The following SBF2 variants were observed in gnomAD, a reference collection of about 807,000 sequenced individuals.
The protein encoded by SBF2 is myotubularin-related protein 13.
In SBF2, 112 loss-of-function variants were observed where a neutral mutation model predicts 225.2. That is an observed-to-expected ratio of 0.50 (90% confidence interval 0.43 to 0.58). SBF2 has a LOEUF of 0.58. SBF2 is among the 20% of genes least tolerant of loss of function. The probability of loss-of-function intolerance (pLI) is 0.00; values close to 1 mark genes in which losing one functional copy is unlikely to be tolerated. For missense variants in SBF2, 1,996 were observed against 2,206.2 expected (o/e 0.90, Z 1.91); for synonymous variants, 763 against 773.3 (o/e 0.99, Z 0.22).
chr11:10,033,075 C>G (rs930519351), intron 3 of SBF2, among the ~76,000 whole-genome samples: 23 of 152,002 alleles, frequency 1.5e-4, no homozygotes, highest in Non-Finnish European at 2.9e-5. Flanking sequence ...TCATTTATTA[C>G]AAAGCAAAAA....
At chr11:9,917,890 C>T (rs542586418) in intron 16 of SBF2, among the ~76,000 whole-genome samples, 3 of 151,528 alleles carry the variant, frequency 2.0e-5, no homozygotes, top group Non-Finnish European at 2.9e-5. Context: ...CCCAGGCCTC[C>T]GACACTCACC....
chr11:10,070,609 T>C (rs1016875804), intron 2 of SBF2, among the ~76,000 whole-genome samples: 27 of 152,360 alleles, frequency 1.8e-4, no homozygotes, highest in African/African-American at 6.0e-4. Context: ...TCCAGCTTTG[T>C]TCATTTTGCT....
chr11:10,292,209 T>C (rs748807798), intron 1 of SBF2, among the ~76,000 whole-genome samples: 1 of 152,182 alleles, frequency 6.6e-6, no homozygotes, highest in Non-Finnish European at 1.5e-5. Context: ...TCACTATCCA[T>C]TTCCTGTTTT....
At chr11:10,241,505 T>A (rs916565636) in intron 1 of SBF2, among the ~76,000 whole-genome samples, 5 of 151,356 alleles carry the variant, frequency 3.3e-5, no homozygotes, top group African/African-American at 1.2e-4. Flanking sequence ...TAGAGAAGAA[T>A]GACAAAGCTA....
At chr11:9,845,903 T>C (rs909511878) in intron 23 of SBF2, among the ~76,000 whole-genome samples, 163 bp from the exon 24 acceptor site, 1 of 152,126 alleles carries the variant, frequency 6.6e-6, no homozygotes, top group African/African-American at 2.4e-5. Flanking sequence ...AAAAAAAGGC[T>C]CAAAAAGGTT....
At chr11:10,184,818 C>T (rs1235101811) in intron 2 of SBF2, among the ~76,000 whole-genome samples, 1 of 152,204 alleles carries the variant, frequency 6.6e-6, no homozygotes, top group African/African-American at 2.4e-5. Context: ...GCTCTGCCTC[C>T]TGGGCTCATG....
chr11:9,812,383 G>T, intron 30 of SBF2, 149 bp downstream of exon 30: 2 of 813,182 alleles, frequency 2.5e-6, no homozygotes, highest in South Asian at 1.6e-5. Context: ...TCCTTAGTCT[G>T]AAAGGCCTTT....
At chr11:9,968,625 AGG>A in intron 13 of SBF2, 80 bp from the exon 14 acceptor site, 1 of 1,120,034 alleles carries the variant, frequency 8.9e-7, no homozygotes, top group Non-Finnish European at 1.4e-6. Flanking sequence ...GGGAGCTTAC[AGG>A]GACACGAGCT....
intron 2 of SBF2, among the ~76,000 whole-genome samples, chr11:10,189,865 A>C (rs1018629739): frequency 6.6e-6 from 1 of 152,172 alleles, no homozygotes; most frequent in Non-Finnish European, 1.5e-5. Flanking sequence ...AAAGGAGCTA[A>C]GGTCGGCTGG....
intron 16 of SBF2, among the ~76,000 whole-genome samples, chr11:9,915,053 C>G (rs1862958393): frequency 6.6e-6 from 1 of 151,966 alleles, no homozygotes; most frequent in Non-Finnish European, 1.5e-5. Flanking sequence ...AATTAAAAGA[C>G]AAGTGGAGAA....
intron 16 of SBF2, chr11:9,959,065 T>A: frequency 6.6e-7 from 1 of 1,506,284 alleles, no homozygotes; most frequent in Non-Finnish European, 9.1e-7. Flanking sequence ...GCCTGCACCA[T>A]TCCAGTTCCC....
chr11:10,167,304 A>G (rs1225425082), intron 2 of SBF2, among the ~76,000 whole-genome samples: 2 of 152,180 alleles, frequency 1.3e-5, no homozygotes, highest in Admixed American at 6.5e-5. Flanking sequence ...ATTTGTTAAG[A>G]TTAAAAGTCT....
In SBF2 at chr11:10,205,022, G is replaced by C. The variant is rs555257142; in HGVS notation, c.56-11035C>G. 1.6e-4 allele frequency among the ~76,000 whole-genome samples: 25 copies of C among 151,876 alleles called. No individual in the cohort carries two copies. In the South Asian group the frequency reaches 2.7e-3, roughly 16 times the overall value. ...GCGGCCTGTTGGGGGGAGGTGGGAGGGGGGAGGCAGAGTATCAGGGTAAAA... is the reference window on the plus strand; with the variant it reads ...GCGGCCTGTTGGGGGGAGGTGGGAGCGGGGAGGCAGAGTATCAGGGTAAAA... On this transcript the variant is annotated intron_variant, in intron 1 of 39. Transcript: ENST00000256190.
At chr11:10,019,059 C>T (rs1367162166) in intron 6 of SBF2, among the ~76,000 whole-genome samples, 2 of 152,052 alleles carry the variant, frequency 1.3e-5, no homozygotes, top group Non-Finnish European at 2.9e-5. Context: ...AAAACGATAC[C>T]TGTTTTTCCA....
chr11:9,989,305 G>C (rs542177462), intron 13 of SBF2, among the ~76,000 whole-genome samples, 192 bp downstream of exon 13: 208 of 152,180 alleles, frequency 1.4e-3, no homozygotes, highest in African/African-American at 4.9e-3. Context: ...AAGAGTGGGA[G>C]GGAGGCGAGG....
At chr11:9,969,297 A>C (rs1344542290) in intron 13 of SBF2, among the ~76,000 whole-genome samples, 5 of 152,204 alleles carry the variant, frequency 3.3e-5, no homozygotes, top group African/African-American at 9.6e-5. Flanking sequence ...TTACAGCAAT[A>C]CAACAGTCTC....
chr11:10,278,220 T>C (rs1963117533), intron 1 of SBF2, among the ~76,000 whole-genome samples: 1 of 152,142 alleles, frequency 6.6e-6, no homozygotes, highest in Non-Finnish European at 1.5e-5. Context: ...AAGTAAACAA[T>C]GAAACCTACA....
chr11:9,998,129 G>T, intron 9 of SBF2, 137 bp downstream of exon 9: 2 of 635,204 alleles, frequency 3.1e-6, no homozygotes, highest in Non-Finnish European at 5.5e-6. Context: ...TACTGTATGA[G>T]ATTATGTTCA....
intron 17 of SBF2, among the ~76,000 whole-genome samples, chr11:9,861,935 G>A (rs1029829302): frequency 6.6e-5 from 10 of 152,120 alleles, no homozygotes; most frequent in Non-Finnish European, 1.5e-4. Flanking sequence ...GAAGAAAAAC[G>A]GTGCAAGACA....
Sources: allele counts gnomAD v4.1 joint callset (sites outside exome capture counted in the v4.1 genomes callset), GRCh38; gene constraint gnomAD v4.1.1; transcripts MANE v1.5; gene names NCBI Gene and HGNC (gene_info 2026-07-23, HGNC 2026-07-21).